Variants in ITGB2 observed in about 807,000 individuals in gnomAD.
The protein encoded by ITGB2 is integrin subunit beta 2.
Under a neutral mutation model 86.8 loss-of-function variants are expected in ITGB2, and 56 were observed. The observed-to-expected ratio is 0.65, with a 90% confidence interval of 0.52 to 0.81. The LOEUF (loss-of-function observed/expected upper bound fraction) is 0.81, where lower values mean the gene tolerates loss of function less well. Among genes scored for constraint, ITGB2 ranks in the 30% least tolerant of loss-of-function variants. The pLI, the probability that ITGB2 is intolerant of heterozygous loss-of-function variation, is 0.00. For missense variants in ITGB2, 948 were observed against 1,061.2 expected (o/e 0.89, Z 1.48); for synonymous variants, 457 against 450.4 (o/e 1.01, Z -0.19).
At chr21:44,915,803 A>G (rs556094056) in intron 1 of ITGB2, among the ~76,000 whole-genome samples, 91 of 152,314 alleles carry the variant, frequency 6.0e-4, no homozygotes, top group Non-Finnish European at 1.1e-3. Context: ...GATGCAGGAA[A>G]ACCCAGCCCA....
At chr21:44,893,351 G>T in intron 10 of ITGB2, 53 bp downstream of exon 10, 1 of 1,604,034 alleles carries the variant, frequency 6.2e-7, no homozygotes, top group Non-Finnish European at 8.5e-7. Flanking sequence ...CCTTCTGGCT[G>T]TCCCCAGAGC....
At chr21:44,905,430 C>T (rs577308172) in intron 4 of ITGB2, among the ~76,000 whole-genome samples, 20 of 152,238 alleles carry the variant, frequency 1.3e-4, no homozygotes, top group Non-Finnish European at 2.2e-4. Context: ...CCCTTCCCCA[C>T]GGCACAAGGA....
chr21:44,926,442 C>T lies in ITGB2; in HGVS notation c.-4+2212G>A, dbSNP rs565947473. On this transcript the variant is annotated intron_variant, in intron 1 of 15. Coordinates refer to the ITGB2 transcript ENST00000355153. ...GGAGCCGGGAGGCCTGCTGCCCTGCCCTCTTGCTTTGATGAGGAAATGGCG... is the reference window on the plus strand; with the variant it reads ...GGAGCCGGGAGGCCTGCTGCCCTGCTCTCTTGCTTTGATGAGGAAATGGCG... 1.3e-3 allele frequency among the ~76,000 whole-genome samples: 195 copies of T among 152,346 alleles called. 1 individual carries two copies. Among genetic ancestry groups the T allele is most frequent in the Middle Eastern group, 3.4e-3 (1 of 294 alleles).
intron 12 of ITGB2, 48 bp from the exon 13 acceptor site, chr21:44,889,543 G>C (rs368601562): frequency 1.3e-6 from 2 of 1,504,898 alleles, no homozygotes; most frequent in Non-Finnish European, 1.8e-6. Context: ...CCTGGGAACC[G>C]AGACCCGCCC....
intron 5 of ITGB2, 114 bp from the exon 6 acceptor site, chr21:44,901,847 G>C (rs2083964439): frequency 1.1e-5 from 13 of 1,200,478 alleles, no homozygotes; most frequent in Non-Finnish European, 1.4e-5. Context: ...GGGAGGTGGA[G>C]AAAGCAAGAT....
chr21:44,925,567 C>G (rs1272186565), upstream of ITGB2, among the ~76,000 whole-genome samples: 4 of 152,308 alleles, frequency 2.6e-5, no homozygotes, highest in Middle Eastern at 3.4e-3. Flanking sequence ...TAACCCTAAC[C>G]AGACTGACTG....
chr21:44,908,267 T>C, intron 3 of ITGB2: 4 of 582,196 alleles, frequency 6.9e-6, no homozygotes, highest in Non-Finnish European at 1.3e-5. Flanking sequence ...CCCCTTCTTC[T>C]CCACCCCCTC....
At chr21:44,896,895 G>A (rs2083878397) in intron 8 of ITGB2, among the ~76,000 whole-genome samples, 1 of 152,230 alleles carries the variant, frequency 6.6e-6, no homozygotes, top group Non-Finnish European at 1.5e-5. Flanking sequence ...ATCGCCTGGA[G>A]TCTGGCTGCC....
chr21:44,900,574 G>T, intron 6 of ITGB2, 99 bp from the exon 7 acceptor site: 1 of 1,479,580 alleles, frequency 6.8e-7, no homozygotes, highest in Non-Finnish European at 9.3e-7. Context: ...GGGTGGCCCG[G>T]AGGCTGGTGT....
chr21:44,918,070 G>A (rs544641192), intron 1 of ITGB2, among the ~76,000 whole-genome samples: 11 of 152,364 alleles, frequency 7.2e-5, no homozygotes, highest in Admixed American at 1.3e-4. Flanking sequence ...CACCAGGTCC[G>A]GCTTGGGGTG....
At chr21:44,902,602 CGT>C (rs2083978965) in intron 5 of ITGB2, among the ~76,000 whole-genome samples, 1 of 150,830 alleles carries the variant, frequency 6.6e-6, no homozygotes, top group African/African-American at 2.4e-5. Context: ...CATGCATTCG[CGT>C]GTGTGAGCAT....
chr21:44,914,719 T>C (rs2084178876), intron 1 of ITGB2, among the ~76,000 whole-genome samples: 1 of 151,928 alleles, frequency 6.6e-6, no homozygotes, highest in South Asian at 2.1e-4. Context: ...GGCCAGGAGT[T>C]TGAGAGCAGC....
At chr21:44,916,909 A>G (rs28671131) in intron 1 of ITGB2, among the ~76,000 whole-genome samples, 1,652 of 152,232 alleles carry the variant, frequency 0.011, 34 homozygotes, top group African/African-American at 0.036. Flanking sequence ...AATAGCAAGA[A>G]GACAGACTCT....
intron 5 of ITGB2, 103 bp downstream of exon 5, chr21:44,903,262 T>G: frequency 3.4e-6 from 5 of 1,451,956 alleles, no homozygotes; most frequent in Non-Finnish European, 3.9e-6. Context: ...GGCCCCCAGA[T>G]CTACCCTGGG....
intron 1 of ITGB2, among the ~76,000 whole-genome samples, chr21:44,926,572 T>C (rs1445738078): frequency 6.6e-6 from 1 of 152,184 alleles, no homozygotes; most frequent in African/African-American, 2.4e-5. Context: ...AGAGTAGATG[T>C]TGATCCCAAG....
intron 1 of ITGB2, among the ~76,000 whole-genome samples, chr21:44,911,615 A>G (rs2084134259): frequency 1.3e-5 from 2 of 152,130 alleles, no homozygotes; most frequent in Non-Finnish European, 2.9e-5. Flanking sequence ...GCCAGGTGGG[A>G]AAAAAAGTCA....
At chr21:44,920,746 T>G (rs1383480989) in intron 1 of ITGB2, 75 bp downstream of exon 1, 1 of 152,282 alleles carries the variant, frequency 6.6e-6, no homozygotes, top group Admixed American at 6.5e-5. Flanking sequence ...GCCACCAGGG[T>G]CACTCCAGGC....
chr21:44,896,703 C>T (rs1032440228), intron 8 of ITGB2, among the ~76,000 whole-genome samples: 4 of 152,150 alleles, frequency 2.6e-5, no homozygotes, highest in African/African-American at 4.8e-5. Flanking sequence ...GCCTGCTGTG[C>T]GCTTGGTGCA....
In ITGB2 at chr21:44,890,226, G is replaced by A. The variant is rs1306158758; in HGVS notation, c.1413-4C>T. The A allele has an allele frequency of 2.5e-6, 4 of 1,612,836 alleles. No homozygotes were observed. The South Asian group carries it at 3.3e-5, about 13-fold the overall frequency. Reference sequence around the variant, plus strand: ...CCCAATGTAGCCAGTGTCACACCTGGGGACAGGAGGGGCCCCAAGGTCAGG... The same window carrying A: ...CCCAATGTAGCCAGTGTCACACCTGAGGACAGGAGGGGCCCCAAGGTCAGG... On this transcript the variant is annotated splice_region_variant and splice_polypyrimidine_tract_variant and intron_variant, in intron 11 of 15. Coordinates refer to ENST00000652462, the MANE Select transcript of ITGB2 (RefSeq NM_000211.5).
Sources: gnomAD v4.1 joint callset for allele counts (sites outside exome capture counted in the v4.1 genomes callset) on GRCh38, gnomAD v4.1.1 for gene constraint, MANE v1.5 for transcripts, NCBI Gene and HGNC (gene_info 2026-07-23, HGNC 2026-07-21) for gene names.